The following CPED1 variants were observed in gnomAD, a reference collection of about 807,000 sequenced individuals.
CPED1 encodes cadherin-like and PC-esterase domain-containing protein 1.
CPED1 carries 114 observed loss-of-function variants against 128.2 expected under a neutral mutation model. The ratio of observed to expected loss-of-function variants is 0.89; its 90% CI spans 0.76 to 1.04. The LOEUF (loss-of-function observed/expected upper bound fraction) is 1.04, where lower values mean the gene tolerates loss of function less well. Ranked by LOEUF, CPED1 falls within the 50% of genes least tolerant of loss-of-function variation. The pLI, the probability that CPED1 is intolerant of heterozygous loss-of-function variation, is 0.00. For missense variants in CPED1, 1,211 were observed against 1,207.1 expected, an observed-to-expected ratio of 1.00 and a Z score of -0.05; for synonymous variants, 462 against 426.7, an observed-to-expected ratio of 1.08 and a Z score of -1.02.
intron 5 of CPED1, among the ~76,000 whole-genome samples, chr7:121,068,323 T>C (rs1333614009): frequency 6.6e-6 from 1 of 152,198 alleles, no homozygotes; most frequent in Non-Finnish European, 1.5e-5. Context: ...AGTTTCAGCT[T>C]TCTACATATG....
At chr7:121,018,587 C>T (rs1238612972) in intron 3 of CPED1, among the ~76,000 whole-genome samples, 1 of 152,032 alleles carries the variant, frequency 6.6e-6, no homozygotes, top group African/African-American at 2.4e-5. Flanking sequence ...TACCCAGGTG[C>T]AGTTTTGACA....
chr7:121,019,064 TGAG>T (rs1792374052), intron 3 of CPED1, among the ~76,000 whole-genome samples: 1 of 151,982 alleles, frequency 6.6e-6, no homozygotes, highest in South Asian at 2.1e-4. Context: ...AGAGTAACTT[TGAG>T]TTTTGTATTT....
At chr7:121,172,875 A>G (rs1342081695) in intron 16 of CPED1, among the ~76,000 whole-genome samples, 1 of 152,214 alleles carries the variant, frequency 6.6e-6, no homozygotes, top group Non-Finnish European at 1.5e-5. Context: ...GCTTAGAAGA[A>G]TAAGACAGAT....
intron 5 of CPED1, among the ~76,000 whole-genome samples, chr7:121,079,229 T>TG (rs1794218237): frequency 6.6e-6 from 1 of 152,102 alleles, no homozygotes; most frequent in Non-Finnish European, 1.5e-5. Flanking sequence ...GACAGAAGGC[T>TG]GCGAGTAGCA....
At chr7:121,209,550 A>G (rs955341458) in intron 16 of CPED1, among the ~76,000 whole-genome samples, 1 of 152,044 alleles carries the variant, frequency 6.6e-6, no homozygotes, top group Admixed American at 6.6e-5. Flanking sequence ...CTGGATATCT[A>G]TATGTAGAAA....
intron 16 of CPED1, among the ~76,000 whole-genome samples, chr7:121,180,600 T>C (rs1427772402): frequency 2.0e-5 from 3 of 152,078 alleles, no homozygotes; most frequent in Non-Finnish European, 2.9e-5. Flanking sequence ...TGGCACACAC[T>C]TTCTGTTCTT....
intron 3 of CPED1, 54 bp downstream of exon 3, chr7:121,015,902 A>G: frequency 1.6e-6 from 2 of 1,251,106 alleles, no homozygotes; most frequent in Non-Finnish European, 2.1e-6. Flanking sequence ...ATGTTGAACA[A>G]TTTCTAGAAT....
chr7:120,990,001 G>T, intron 2 of CPED1, 131 bp downstream of exon 2: 1 of 1,042,158 alleles, frequency 9.6e-7, no homozygotes, highest in South Asian at 1.6e-5. Flanking sequence ...AGCCTAGAGA[G>T]TGACCTGATG....
At chr7:121,024,938 G>A (rs1792538048) in intron 3 of CPED1, among the ~76,000 whole-genome samples, 1 of 152,150 alleles carries the variant, frequency 6.6e-6, no homozygotes, top group Admixed American at 6.6e-5. Flanking sequence ...CTACGCCAAT[G>A]CATTATCCAG....
At chr7:121,158,384 A>C (rs951443156) in intron 16 of CPED1, among the ~76,000 whole-genome samples, 1 of 152,088 alleles carries the variant, frequency 6.6e-6, no homozygotes, top group Non-Finnish European at 1.5e-5. Flanking sequence ...TCTGGCATTC[A>C]GCCCTCCCTG....
intron 5 of CPED1, among the ~76,000 whole-genome samples, chr7:121,092,607 C>T (rs1794599514): frequency 1.3e-5 from 2 of 152,170 alleles, no homozygotes; most frequent in Admixed American, 1.3e-4. Flanking sequence ...GTAAACTTGA[C>T]TCTACCTTGG....
chr7:121,190,301 T>C (rs1797105421), intron 16 of CPED1, among the ~76,000 whole-genome samples: 1 of 149,422 alleles, frequency 6.7e-6, no homozygotes, highest in South Asian at 2.1e-4. Context: ...TGCTGGTGAT[T>C]TGAGAAACAG....
At chr7:121,130,379 G>A (rs753343467) in intron 12 of CPED1, 85 bp downstream of exon 12, 358 of 1,131,392 alleles carry the variant, frequency 3.2e-4, no homozygotes, top group Non-Finnish European at 4.2e-4. Flanking sequence ...CTATGTTAAA[G>A]CAAGCAGCAA....
chr7:121,207,550 A>G (rs1797548960), intron 16 of CPED1, among the ~76,000 whole-genome samples: 1 of 152,004 alleles, frequency 6.6e-6, no homozygotes, highest in Non-Finnish European at 1.5e-5. Context: ...CGTATTTCCA[A>G]GGAGGATATC....
chr7:121,003,081 C>A (rs969077925), intron 2 of CPED1, among the ~76,000 whole-genome samples: 4 of 152,138 alleles, frequency 2.6e-5, no homozygotes, highest in Non-Finnish European at 5.9e-5. Context: ...AAGTTCATTG[C>A]GTATTCAGTA....
At chr7:121,149,067 T>A (rs1563045698) in intron 16 of CPED1, among the ~76,000 whole-genome samples, 1 of 152,212 alleles carries the variant, frequency 6.6e-6, no homozygotes. Flanking sequence ...TCAAGTCTTG[T>A]TAAGTGCCCT....
intron 3 of CPED1, among the ~76,000 whole-genome samples, chr7:121,036,261 T>C (rs895589045): frequency 6.6e-6 from 1 of 152,212 alleles, no homozygotes; most frequent in East Asian, 1.9e-4. Context: ...CGTAGTCTTT[T>C]CTCTTTCACC....
intron 16 of CPED1, among the ~76,000 whole-genome samples, chr7:121,188,561 C>T (rs1476140253): frequency 6.6e-6 from 1 of 152,060 alleles, no homozygotes; most frequent in Non-Finnish European, 1.5e-5. Context: ...GAATGAATGA[C>T]ACATCCTAGA....
At chr7:121,097,912 G>A in intron 6 of CPED1, 81 bp downstream of exon 6, 1 of 1,411,322 alleles carries the variant, frequency 7.1e-7, no homozygotes, top group Non-Finnish European at 9.7e-7. Context: ...GAACAGATAT[G>A]GGGGGTTCAC....
Sources: allele counts gnomAD v4.1 joint callset (sites outside exome capture counted in the v4.1 genomes callset), GRCh38; gene constraint gnomAD v4.1.1; transcripts MANE v1.5; gene names NCBI Gene and HGNC (gene_info 2026-07-23, HGNC 2026-07-21).